SPON1: variants seen among roughly 807,000 people sequenced by gnomAD.
SPON1 encodes the protein spondin-1.
Under a neutral mutation model 111.7 loss-of-function variants are expected in SPON1, and 52 were observed. The ratio of observed to expected loss-of-function variants is 0.47; its 90% CI spans 0.37 to 0.59. SPON1 has a LOEUF of 0.59. Among genes scored for constraint, SPON1 ranks in the 20% least tolerant of loss-of-function variants. The probability of loss-of-function intolerance (pLI) is 0.00; values close to 1 mark genes in which losing one functional copy is unlikely to be tolerated. For missense variants in SPON1, 957 were observed against 1,068.5 expected (o/e 0.90, Z 1.46); for synonymous variants, 410 against 395.8 (o/e 1.04, Z -0.43).
At chr11:14,087,138 A>G (rs1020304987) in intron 5 of SPON1, among the ~76,000 whole-genome samples, 1 of 151,148 alleles carries the variant, frequency 6.6e-6, no homozygotes, top group African/African-American at 2.4e-5. Flanking sequence ...CCATGTCTCT[A>G]TCTCCTTCAG....
chr11:14,115,358 C>T (rs550928726), intron 5 of SPON1, among the ~76,000 whole-genome samples: 6 of 152,302 alleles, frequency 3.9e-5, no homozygotes, highest in South Asian at 4.1e-4. Flanking sequence ...CATGTGAACA[C>T]GTTCATTTCA....
intron 6 of SPON1, among the ~76,000 whole-genome samples, chr11:14,180,282 T>A (rs770825808): frequency 1.3e-4 from 20 of 152,232 alleles, no homozygotes; most frequent in Non-Finnish European, 2.2e-4. Context: ...AATTTGTCAG[T>A]GTAATACACA....
chr11:14,109,853 C>A (rs1208163355), intron 5 of SPON1, among the ~76,000 whole-genome samples: 1 of 152,068 alleles, frequency 6.6e-6, no homozygotes, highest in Non-Finnish European at 1.5e-5. Context: ...AAACTTTTTT[C>A]TTCTCTGTGG....
chr11:13,964,915 G>C (rs531930232), intron 1 of SPON1, among the ~76,000 whole-genome samples: 29 of 152,088 alleles, frequency 1.9e-4, no homozygotes, highest in Non-Finnish European at 2.9e-4. Context: ...GAGTCCAACA[G>C]ACTTGGGTTT....
At chr11:14,052,194 G>A (rs1848712571) in intron 3 of SPON1, among the ~76,000 whole-genome samples, 1 of 152,238 alleles carries the variant, frequency 6.6e-6, no homozygotes, top group African/African-American at 2.4e-5. Context: ...TGGAAAACAA[G>A]CCCAGGGAAA....
At position 14,008,371 on chromosome 11, in the gene SPON1, C is replaced by G. The variant is rs143401658; in HGVS notation, c.345+25418C>G. The stretch of plus-strand genomic sequence containing the variant: ...CCTACCATTTACACTTATGCAGGAC[C>G]ACTGACCTTGGAGGGCCCTTGACCT... On this transcript the variant is annotated intron_variant, in intron 2 of 15. Coordinates refer to ENST00000576479, the MANE Select transcript of SPON1 (RefSeq NM_006108.4). Among the ~76,000 whole-genome samples, 639 of 152,158 alleles carry G rather than the reference C, an allele frequency of 4.2e-3. 3 individuals carry two copies. Among genetic ancestry groups the G allele is most frequent in the Non-Finnish European group, 6.9e-3 (469 of 68,008 alleles).
intron 6 of SPON1, among the ~76,000 whole-genome samples, chr11:14,160,363 A>G (rs1847895458): frequency 8.2e-6 from 1 of 122,394 alleles, no homozygotes; most frequent in African/African-American, 3.2e-5. Flanking sequence ...AACCTACCAT[A>G]TATGTGCTCA....
chr11:13,998,465 G>A (rs1451033007), intron 2 of SPON1, among the ~76,000 whole-genome samples: 2 of 152,114 alleles, frequency 1.3e-5, no homozygotes, highest in African/African-American at 4.8e-5. Flanking sequence ...TGTCTTTCCT[G>A]ACATTCACAT....
At chr11:14,262,541 C>T (rs371284716) in intron 14 of SPON1, 171 bp from the exon 15 acceptor site, 37 of 803,756 alleles carry the variant, frequency 4.6e-5, no homozygotes, top group Admixed American at 1.0e-4. Context: ...ACCAACCACA[C>T]GGGCTGAAGT....
chr11:14,243,175 G>A (rs781870846), intron 6 of SPON1, among the ~76,000 whole-genome samples, 157 bp from the exon 7 acceptor site: 1 of 152,202 alleles, frequency 6.6e-6, no homozygotes. Context: ...GAGGCCCCAG[G>A]GTTCCCCCAT....
rs563935481 is a variant in SPON1 at position 13,993,693 on chromosome 11, A to G, written c.345+10740A>G. ...TATTTTACTTATTAACTTGTGTGCT[A>G]TCTGTCACCTTCCACTGAACTATAA... On this transcript the variant is annotated intron_variant, in intron 2 of 15. Transcript: ENST00000576479. Among the ~76,000 whole-genome samples, 4 of 152,204 alleles carry G rather than the reference A, an allele frequency of 2.6e-5. No individual in the cohort carries two copies. The Middle Eastern group carries it at 0.014, about 518-fold the overall frequency.
intron 1 of SPON1, among the ~76,000 whole-genome samples, chr11:13,972,627 T>A (rs1316404013): frequency 1.3e-5 from 2 of 152,210 alleles, no homozygotes; most frequent in Non-Finnish European, 2.9e-5. Flanking sequence ...TTTAGCTAAA[T>A]AGTTTTGAAG....
chr11:14,131,132 T>G (rs1195611473), intron 5 of SPON1, among the ~76,000 whole-genome samples: 2 of 152,192 alleles, frequency 1.3e-5, no homozygotes, highest in Non-Finnish European at 2.9e-5. Context: ...CCTGAAGTTC[T>G]TTTTCATCTA....
intron 2 of SPON1, among the ~76,000 whole-genome samples, chr11:14,023,376 A>G (rs1358748792): frequency 6.7e-6 from 1 of 148,168 alleles, no homozygotes; most frequent in African/African-American, 2.4e-5. Flanking sequence ...CTGGAGAGAA[A>G]TACTGTGAAG....
chr11:14,204,279 G>A (rs558334256), intron 6 of SPON1, among the ~76,000 whole-genome samples: 1 of 152,182 alleles, frequency 6.6e-6, no homozygotes, highest in Admixed American at 6.5e-5. Context: ...TTTACAAATT[G>A]AGCTTCCAAG....
Position 14,135,631 on chromosome 11 carries a change from A to T in SPON1, c.825+63A>T. The T allele has an allele frequency of 6.5e-7, 1 of 1,539,790 alleles. No homozygotes were observed. Among genetic ancestry groups the T allele is most frequent in the Non-Finnish European group, 8.9e-7 (1 of 1,123,836 alleles). ...AATGCAGTCAAAGCACTCCTTAGAT[A>T]TCTTTCCCAGGGGCTTGAAATTTGC... On this transcript the variant is annotated intron_variant, in intron 6 of 15. Coordinates refer to ENST00000576479, the MANE Select transcript of SPON1 (RefSeq NM_006108.4). This position sits in a 1 kb window ranked among gnomAD's most constrained non-coding sequence, Gnocchi z 4.4.
In SPON1 at chr11:14,256,706, T is replaced by G; in HGVS notation, c.1309+14T>G. On this transcript the variant is annotated intron_variant, in intron 10 of 15. Coordinates refer to ENST00000576479, the MANE Select transcript of SPON1 (RefSeq NM_006108.4). ...AGAAAGATGAAGGTACGTTGTTTTC[T>G]TTTGTTGCAGGTGGCAACATAAATT... 1 of 1,608,686 alleles carries G rather than the reference T, an allele frequency of 6.2e-7. No individual in the cohort carries two copies.
intron 6 of SPON1, among the ~76,000 whole-genome samples, chr11:14,201,544 C>T (rs1006051631): frequency 6.6e-6 from 1 of 151,606 alleles, no homozygotes; most frequent in Non-Finnish European, 1.5e-5. Context: ...GATCAGAGGC[C>T]TCTGCCACCA....
At chr11:14,070,806 G>A (rs562502520) in intron 3 of SPON1, among the ~76,000 whole-genome samples, 9 of 152,164 alleles carry the variant, frequency 5.9e-5, no homozygotes, top group African/African-American at 2.2e-4. Context: ...AAAAAGAGTG[G>A]TAAATGAATA....
Sources: allele counts gnomAD v4.1 joint callset (sites outside exome capture counted in the v4.1 genomes callset), GRCh38; gene constraint gnomAD v4.1.1; non-coding constraint Gnocchi (gnomAD v3.1); transcripts MANE v1.5; gene names NCBI Gene and HGNC (gene_info 2026-07-23, HGNC 2026-07-21).